The following TEC variants were observed in gnomAD, a reference collection of about 807,000 sequenced individuals.
TEC encodes tyrosine-protein kinase Tec.
TEC carries 72 observed loss-of-function variants against 93.0 expected under a neutral mutation model. The ratio of observed to expected loss-of-function variants is 0.77; its 90% CI spans 0.64 to 0.94. TEC has a LOEUF of 0.94. TEC is among the 40% of genes least tolerant of loss of function. TEC has a pLI of 0.00. For missense variants in TEC, 630 were observed against 757.9 expected (o/e 0.83, Z 1.98); for synonymous variants, 249 against 247.7 (o/e 1.01, Z -0.05).
chr4:48,197,763 T>C (rs1722348949), intron 2 of TEC, among the ~76,000 whole-genome samples: 1 of 152,210 alleles, frequency 6.6e-6, no homozygotes, highest in African/African-American at 2.4e-5. Flanking sequence ...GATTCAACTT[T>C]TTCATACCCA....
intron 8 of TEC, among the ~76,000 whole-genome samples, chr4:48,160,774 G>A (rs143952527): frequency 4.3e-4 from 60 of 138,184 alleles, no homozygotes; most frequent in South Asian, 1.0e-3. Flanking sequence ...AAGAAAAAAA[G>A]AAAGAAAGAA....
intron 1 of TEC, among the ~76,000 whole-genome samples, chr4:48,233,651 A>G (rs983221652): frequency 6.6e-6 from 1 of 151,886 alleles, no homozygotes; most frequent in African/African-American, 2.4e-5. Flanking sequence ...AAAAAAACTC[A>G]ACAAAATCAA....
chr4:48,147,535 C>T (rs1158316103), intron 11 of TEC, among the ~76,000 whole-genome samples: 2 of 152,096 alleles, frequency 1.3e-5, no homozygotes. Context: ...CAATTTTTTT[C>T]CTTAACATCG....
chr4:48,246,648 C>G (rs1001840660), intron 1 of TEC, among the ~76,000 whole-genome samples: 2 of 152,146 alleles, frequency 1.3e-5, no homozygotes, highest in African/African-American at 4.8e-5. Flanking sequence ...ACCAAGATGT[C>G]AAGACCATCC....
chr4:48,263,155 C>T (rs1434278777), intron 1 of TEC, among the ~76,000 whole-genome samples: 4 of 152,260 alleles, frequency 2.6e-5, no homozygotes, highest in East Asian at 3.9e-4. Flanking sequence ...CAGCCAGAAA[C>T]AGGAACTTGG....
chr4:48,139,171 C>T, intron 15 of TEC, 149 bp from the exon 16 acceptor site: 1 of 660,678 alleles, frequency 1.5e-6, no homozygotes, highest in Non-Finnish European at 2.6e-6. Context: ...ACCTCAGTGG[C>T]CACACCTGGT....
chr4:48,143,082 G>C (rs1186533730), intron 14 of TEC, among the ~76,000 whole-genome samples: 2 of 152,148 alleles, frequency 1.3e-5, no homozygotes, highest in East Asian at 3.8e-4. Context: ...CTCATATGAG[G>C]TTCCTTCTTG....
chr4:48,218,389 C>A (rs1723146470), intron 2 of TEC, among the ~76,000 whole-genome samples: 1 of 152,162 alleles, frequency 6.6e-6, no homozygotes, highest in Non-Finnish European at 1.5e-5. Flanking sequence ...AAACTCTCTA[C>A]CTCCTTATGT....
At chr4:48,239,335 C>T (rs186328591) in intron 1 of TEC, among the ~76,000 whole-genome samples, 392 of 152,200 alleles carry the variant, frequency 2.6e-3, no homozygotes, top group Non-Finnish European at 4.7e-3. Flanking sequence ...CTGAATCATT[C>T]CAGGTTTTTT....
At chr4:48,138,531 GT>G in intron 17 of TEC, 133 bp downstream of exon 17, 2 of 983,612 alleles carry the variant, frequency 2.0e-6, no homozygotes, top group South Asian at 3.7e-5. Flanking sequence ...AGTTGAGAGG[GT>G]TGGCTTCCTA....
At position 48,145,663 on chromosome 4, in the gene TEC, A is replaced by G. The variant is rs538584931; in HGVS notation, c.1082-84T>C. 7.4e-5 allele frequency: 105 copies of G among 1,411,912 alleles called. No individual in the cohort carries two copies. In the East Asian group the frequency reaches 2.4e-3, roughly 32 times the overall value. 87.5% of individuals were successfully genotyped at this position (1,411,912 alleles called of 1,614,324 possible). On this transcript the variant is annotated intron_variant, in intron 12 of 17. Transcript: ENST00000381501. ...AGAGGGGGAAAAAGAACCTACAACC[A>G]AGATCAACCTCAAAATTACAGGATA...
chr4:48,245,470 C>T (rs1724029942), intron 1 of TEC, among the ~76,000 whole-genome samples: 2 of 152,130 alleles, frequency 1.3e-5, no homozygotes, highest in Admixed American at 6.6e-5. Context: ...TAAAGCTTCA[C>T]CCCACCCAGT....
intron 11 of TEC, among the ~76,000 whole-genome samples, chr4:48,148,730 T>G (rs772053564): frequency 1.3e-5 from 2 of 152,178 alleles, no homozygotes; most frequent in Non-Finnish European, 2.9e-5. Context: ...ATGGGTAAAC[T>G]TGTGTCATGG....
At chr4:48,142,929 G>A (rs1436676061) in intron 14 of TEC, among the ~76,000 whole-genome samples, 1 of 152,080 alleles carries the variant, frequency 6.6e-6, no homozygotes, top group Non-Finnish European at 1.5e-5. Flanking sequence ...TGATCCGCCC[G>A]CCTCGGCCTC....
chr4:48,209,877 T>C (rs1722839509), intron 2 of TEC, among the ~76,000 whole-genome samples: 1 of 152,160 alleles, frequency 6.6e-6, no homozygotes, highest in African/African-American at 2.4e-5. Flanking sequence ...CATGCTTGTT[T>C]ATTAGCTGTT....
chr4:48,267,613 C>T (rs1446145063), intron 1 of TEC, among the ~76,000 whole-genome samples: 1 of 152,198 alleles, frequency 6.6e-6, no homozygotes, highest in Non-Finnish European at 1.5e-5. Context: ...CAGCTGGCCC[C>T]CAAGACTGTT....
chr4:48,197,555 A>G (rs908477201), intron 2 of TEC, among the ~76,000 whole-genome samples: 1 of 152,200 alleles, frequency 6.6e-6, no homozygotes, highest in Non-Finnish European at 1.5e-5. Flanking sequence ...ATTAACTCCC[A>G]TGAAAAAGGT....
chr4:48,238,546 T>C (rs1401803740), intron 1 of TEC, among the ~76,000 whole-genome samples: 1 of 151,994 alleles, frequency 6.6e-6, no homozygotes, highest in African/African-American at 2.4e-5. Context: ...TCCACTACCA[T>C]AGGGTAGGTG....
At chr4:48,157,702 G>C (rs1720459066) in intron 8 of TEC, among the ~76,000 whole-genome samples, 1 of 152,190 alleles carries the variant, frequency 6.6e-6, no homozygotes, top group South Asian at 2.1e-4. Context: ...TTTTAGTAGA[G>C]ACAGGGTTTC....
Sources: gnomAD v4.1 joint callset for allele counts (sites outside exome capture counted in the v4.1 genomes callset) on GRCh38, gnomAD v4.1.1 for gene constraint, MANE v1.5 for transcripts, NCBI Gene and HGNC (gene_info 2026-07-23, HGNC 2026-07-21) for gene names.